Variants in NRXN3 observed in about 807,000 individuals in gnomAD.
NRXN3 encodes neurexin 3.
A neutral mutation model predicts 137.6 loss-of-function variants in NRXN3; 32 were observed. That is an observed-to-expected ratio of 0.23 (90% confidence interval 0.18 to 0.31). The LOEUF (loss-of-function observed/expected upper bound fraction) is 0.31. Ranked by LOEUF, NRXN3 falls within the 10% of genes least tolerant of loss-of-function variation. The probability of loss-of-function intolerance (pLI) is 1.00; values close to 1 mark genes in which losing one functional copy is unlikely to be tolerated. For missense variants in NRXN3, 1,574 were observed against 2,062.5 expected, an observed-to-expected ratio of 0.76 and a Z score of 4.59; for synonymous variants, 798 against 784.5, an observed-to-expected ratio of 1.02 and a Z score of -0.29.
intron 19 of NRXN3, among the ~76,000 whole-genome samples, chr14:79,712,998 A>C (rs1219051791): frequency 6.6e-6 from 1 of 152,122 alleles, no homozygotes; most frequent in Non-Finnish European, 1.5e-5. Flanking sequence ...AGAATGTTTT[A>C]TTCCATTCTC....
chr14:78,540,400 G>A (rs527510831), intron 4 of NRXN3, among the ~76,000 whole-genome samples: 10 of 146,002 alleles, frequency 6.8e-5, no homozygotes, highest in Admixed American at 6.1e-4. Flanking sequence ...TTGGTTTAAA[G>A]TCTGTTTTAT....
chr14:79,200,808 A>G (rs370623356), intron 15 of NRXN3, among the ~76,000 whole-genome samples: 20 of 97,584 alleles, frequency 2.0e-4, no homozygotes, highest in African/African-American at 7.4e-4. Flanking sequence ...TGAAATCCCT[A>G]TTGCTCTCCT....
At chr14:79,229,525 A>G (rs1300166600) in intron 15 of NRXN3, among the ~76,000 whole-genome samples, 1 of 152,148 alleles carries the variant, frequency 6.6e-6, no homozygotes, top group African/African-American at 2.4e-5. Flanking sequence ...GTCATGAGAG[A>G]AGGAAAAAGC....
chr14:78,395,951 T>C (rs779918192), intron 4 of NRXN3, among the ~76,000 whole-genome samples: 19 of 152,192 alleles, frequency 1.2e-4, no homozygotes, highest in Non-Finnish European at 2.6e-4. Context: ...ATTTTCTGTC[T>C]TTTACATATT....
intron 1 of NRXN3, among the ~76,000 whole-genome samples, chr14:78,210,687 C>G (rs2062658467): frequency 6.6e-6 from 1 of 151,980 alleles, no homozygotes; most frequent in Admixed American, 6.6e-5. Context: ...GTCCCCACCC[C>G]TGGCCCCAGG....
intron 7 of NRXN3, among the ~76,000 whole-genome samples, chr14:78,712,989 G>A (rs1397118688): frequency 6.6e-6 from 1 of 152,286 alleles, no homozygotes; most frequent in East Asian, 1.9e-4. Context: ...ACTGATGGAT[G>A]GCATGACCCA....
intron 16 of NRXN3, among the ~76,000 whole-genome samples, chr14:79,635,613 A>G (rs1379937333): frequency 6.6e-6 from 1 of 152,190 alleles, no homozygotes; most frequent in Non-Finnish European, 1.5e-5. Context: ...GGTATGTGCC[A>G]TCCACCTTTG....
chr14:79,748,385 G>A (rs939973515), intron 19 of NRXN3, among the ~76,000 whole-genome samples: 26 of 152,056 alleles, frequency 1.7e-4, no homozygotes, highest in African/African-American at 5.6e-4. Context: ...ATATTGGACT[G>A]GAAAAGGGTA....
intron 4 of NRXN3, among the ~76,000 whole-genome samples, chr14:78,591,178 G>A (rs1024544745): frequency 1.3e-5 from 2 of 152,214 alleles, no homozygotes; most frequent in Admixed American, 6.5e-5. Flanking sequence ...GCCTGTGGGA[G>A]TCGAGTGGTC....
chr14:79,544,126 G>A (rs1389227326), intron 16 of NRXN3, among the ~76,000 whole-genome samples: 2 of 152,124 alleles, frequency 1.3e-5, no homozygotes, highest in African/African-American at 2.4e-5. Flanking sequence ...ATGTCACAGC[G>A]CCCCCATGGG....
At position 78,937,741 on chromosome 14, in the gene NRXN3, G is replaced by T. The variant is rs75815654; in HGVS notation, c.2276-19501G>T. On this transcript the variant is annotated intron_variant, in intron 10 of 20. Coordinates refer to ENST00000335750, the MANE Select transcript of NRXN3 (RefSeq NM_001330195.2). The stretch of plus-strand genomic sequence containing the variant: ...ACTGACTTCACACAGTGGTTTTAAG[G>T]TTGAGTGTACTGTTACAGGAATATG... 5.9e-3 allele frequency among the ~76,000 whole-genome samples: 894 copies of T among 152,310 alleles called. 3 individuals are homozygous for T. Among genetic ancestry groups the T allele is most frequent in the Non-Finnish European group, 9.9e-3 (671 of 68,020 alleles).
chr14:78,874,795 G>A (rs2099109939), intron 10 of NRXN3, among the ~76,000 whole-genome samples: 1 of 152,228 alleles, frequency 6.6e-6, no homozygotes, highest in Non-Finnish European at 1.5e-5. Context: ...TCAGGAGCCT[G>A]TGTTTGATGG....
rs934856705 is a variant in NRXN3 at position 79,675,543 on chromosome 14, T to A, written c.3616+11594T>A. On this transcript the variant is annotated intron_variant, in intron 17 of 20. Coordinates refer to ENST00000335750, the MANE Select transcript of NRXN3 (RefSeq NM_001330195.2). ...AATCCATCAGCTTTATTTTTTGAAT[T>A]GTCTTATCTGTTTGGAATAAAGAGA... is the stretch of plus-strand genomic sequence containing the variant. 2.0e-5 allele frequency among the ~76,000 whole-genome samples: 3 copies of A among 152,086 alleles called. 1 individual carries two copies. Among genetic ancestry groups the A allele is most frequent in the Non-Finnish European group, 4.4e-5 (3 of 67,994 alleles).
chr14:79,777,937 A>G (rs931011045), intron 19 of NRXN3, among the ~76,000 whole-genome samples: 7 of 152,080 alleles, frequency 4.6e-5, no homozygotes, highest in Non-Finnish European at 8.8e-5. Context: ...TACAGAAAAA[A>G]AAAAAAATGA....
intron 19 of NRXN3, among the ~76,000 whole-genome samples, chr14:79,803,984 T>C (rs1173359569): frequency 4.7e-5 from 7 of 148,724 alleles, no homozygotes; most frequent in South Asian, 2.1e-4. Context: ...TGTATGTGTA[T>C]ATATATATGT....
intron 17 of NRXN3, among the ~76,000 whole-genome samples, chr14:79,690,899 C>G (rs2098714126): frequency 6.6e-6 from 1 of 152,018 alleles, no homozygotes; most frequent in Non-Finnish European, 1.5e-5. Flanking sequence ...TTTTAGAATT[C>G]TTTGTAAATT....
At chr14:78,280,316 T>C (rs910446938) in intron 3 of NRXN3, among the ~76,000 whole-genome samples, 2 of 152,214 alleles carry the variant, frequency 1.3e-5, no homozygotes, top group Admixed American at 6.5e-5. Flanking sequence ...GTTTTGTATA[T>C]GCATGTTATG....
At chr14:78,564,648 G>A (rs1195801590) in intron 4 of NRXN3, among the ~76,000 whole-genome samples, 1 of 152,088 alleles carries the variant, frequency 6.6e-6, no homozygotes, top group East Asian at 1.9e-4. Context: ...GGTAATGAAG[G>A]TCCTTCGATC....
rs140724338 is a variant in NRXN3 at position 78,210,183 on chromosome 14, G to A, written c.-703-32208G>A. ...GACATTTTTTACTCATGGTTCTGGC[G>A]AGTGGGAAATCCAGGATCAAGTTGC... On this transcript the variant is annotated intron_variant, in intron 1 of 20. Transcript: ENST00000335750. 2.6e-3 allele frequency among the ~76,000 whole-genome samples: 399 copies of A among 152,280 alleles called. 2 individuals carry two copies. The highest frequency in any genetic ancestry group is 9.2e-3 in the African/African-American group (381 of 41,554).
Sources: gnomAD v4.1 joint callset for allele counts (sites outside exome capture counted in the v4.1 genomes callset) on GRCh38, gnomAD v4.1.1 for gene constraint, MANE v1.5 for transcripts, NCBI Gene and HGNC (gene_info 2026-07-23, HGNC 2026-07-21) for gene names.